ARHGEF17: variants seen among roughly 807,000 people sequenced by gnomAD.
The protein encoded by ARHGEF17 is Rho guanine nucleotide exchange factor 17.
ARHGEF17 carries 80 observed loss-of-function variants against 174.0 expected under a neutral mutation model. The ratio of observed to expected loss-of-function variants is 0.46; its 90% CI spans 0.38 to 0.55. The LOEUF (loss-of-function observed/expected upper bound fraction) is 0.55. Ranked by LOEUF, ARHGEF17 falls within the 20% of genes least tolerant of loss-of-function variation. The probability of loss-of-function intolerance (pLI) is 0.00; values close to 1 mark genes in which losing one functional copy is unlikely to be tolerated. For synonymous variants in ARHGEF17, 1,311 were observed against 1,189.1 expected, an observed-to-expected ratio of 1.10 and a Z score of -2.11; for missense variants, 2,886 against 2,839.7, an observed-to-expected ratio of 1.02 and a Z score of -0.37.
At position 73,368,042 on chromosome 11, in the gene ARHGEF17, G is replaced by A. The variant is rs1411289546; in HGVS notation, c.*262G>A. 2.4e-6 allele frequency: 1 copy of A among 419,482 alleles called. No homozygotes were observed. The highest frequency in any genetic ancestry group is 2.0e-5 in the African/African-American group (1 of 50,802). 26.0% of individuals were successfully genotyped at this position (419,482 alleles called of 1,614,324 possible). A position where few individuals can be genotyped will look rare whatever the true frequency, so the allele number is the denominator to read the frequency against. On this transcript the variant is annotated 3_prime_UTR_variant, in exon 21 of 21. Transcript: ENST00000263674. ...GACATGTGGGCTGACCAGGACCTCT[G>A]ACCCTGGAGCTTCTACCAAAGACAC...
chr11:73,322,896 A>G lies in ARHGEF17; in HGVS notation c.3192+11066A>G, dbSNP rs142880581. Among the ~76,000 whole-genome samples, 22 of 152,196 alleles carry G rather than the reference A, an allele frequency of 1.4e-4. No individual in the cohort carries two copies. In the East Asian group the frequency reaches 4.3e-3, roughly 29 times the overall value. ...GTAGCCTGAGCTTAGGTAGCAGAGG[A>G]TGTGGAGCTGGCGAGGGGAGAACTG... On this transcript the variant is annotated intron_variant, in intron 1 of 20. Coordinates refer to ENST00000263674, the MANE Select transcript of ARHGEF17 (RefSeq NM_014786.4).
At chr11:73,359,569 C>G (rs1439149807) in intron 9 of ARHGEF17, among the ~76,000 whole-genome samples, 1 of 152,248 alleles carries the variant, frequency 6.6e-6, no homozygotes, top group African/African-American at 2.4e-5. Flanking sequence ...ATTTCATACT[C>G]CATGCTCTCC....
chr11:73,350,429 T>C (rs1865534799), intron 2 of ARHGEF17, among the ~76,000 whole-genome samples: 1 of 152,202 alleles, frequency 6.6e-6, no homozygotes, highest in Non-Finnish European at 1.5e-5. Context: ...TGCCACACCC[T>C]GGGTTGAAAC....
In ARHGEF17 at chr11:73,310,345, C is replaced by T. The variant is rs747665570; in HGVS notation, c.1707C>T (p.Ser569=). 23 of 1,613,718 alleles carry T rather than the reference C, an allele frequency of 1.4e-5. No individual in the cohort carries two copies. In the Admixed American group the frequency reaches 3.5e-4, roughly 25 times the overall value. Residue 569 remains serine (S), a synonymous_variant, in exon 1 of 21, where the codon TCC becomes TCT. Transcript: ENST00000263674. The part of the protein sequence containing the change: ...PRTSALKSSS[S]ELLLTGPGAE... Reference sequence around the variant, plus strand: ...CCAGTGCTCTGAAGTCCAGCTCCTCCGAGCTCCTGCTCACAGGCCCTGGTG... The same window carrying T: ...CCAGTGCTCTGAAGTCCAGCTCCTCTGAGCTCCTGCTCACAGGCCCTGGTG...
At chr11:73,363,696 G>C in intron 15 of ARHGEF17, 51 bp from the exon 16 acceptor site, 1 of 1,601,540 alleles carries the variant, frequency 6.2e-7, no homozygotes. Context: ...GATGACTCCA[G>C]GGGCTGGTGT....
chr11:73,309,648 GAGA>G lies in ARHGEF17; in HGVS notation c.1016_1018del (p.Glu339del), dbSNP rs774449322. On this transcript the variant is annotated inframe_deletion, in exon 1 of 21. Coordinates refer to ENST00000263674, the MANE Select transcript of ARHGEF17 (RefSeq NM_014786.4). ...CCCCCAACATCTCCAAGAGCCCCTA[GAGA>G]AGAAGGACTCCGGGAGTGGGGTAGT... 6 of 1,612,986 alleles carry G rather than the reference GAGA, an allele frequency of 3.7e-6. No individual in the cohort carries two copies. The Admixed American group carries it at 5.0e-5, about 13-fold the overall frequency.
chr11:73,342,705 C>T (rs1865389885), intron 1 of ARHGEF17, among the ~76,000 whole-genome samples: 1 of 152,054 alleles, frequency 6.6e-6, no homozygotes, highest in East Asian at 1.9e-4. Context: ...GCGCTGGGTA[C>T]AGGTGCGGAC....
intron 1 of ARHGEF17, among the ~76,000 whole-genome samples, chr11:73,324,754 T>C (rs2027763): frequency 0.17 from 26,385 of 152,006 alleles, 3,049 homozygotes; most frequent in African/African-American, 0.33. Context: ...AAAGAAAGGG[T>C]GGATTTTGCT....
intron 2 of ARHGEF17, among the ~76,000 whole-genome samples, chr11:73,350,860 C>T (rs11821094): frequency 1.3e-5 from 2 of 152,102 alleles, no homozygotes; most frequent in South Asian, 4.1e-4. Flanking sequence ...ACGCATTTAT[C>T]GTGCTTCTTT....
chr11:73,325,552 T>A (rs1166319558), intron 1 of ARHGEF17, among the ~76,000 whole-genome samples: 3 of 150,508 alleles, frequency 2.0e-5, no homozygotes, highest in African/African-American at 2.4e-5. Context: ...ACACACACAC[T>A]CTCTCTCTCT....
At chr11:73,328,647 G>A (rs1045276923) in intron 1 of ARHGEF17, among the ~76,000 whole-genome samples, 1 of 152,248 alleles carries the variant, frequency 6.6e-6, no homozygotes, top group Non-Finnish European at 1.5e-5. Context: ...CTGTCCCAGA[G>A]GAGACCAATG....
chr11:73,332,532 C>T lies in ARHGEF17; in HGVS notation c.3193-14351C>T, dbSNP rs114515631. Among the ~76,000 whole-genome samples, 1,335 of 152,222 alleles carry T rather than the reference C, an allele frequency of 8.8e-3. 23 individuals carry two copies. The highest frequency in any genetic ancestry group is 0.031 in the African/African-American group (1,285 of 41,526). On this transcript the variant is annotated intron_variant, in intron 1 of 20. Coordinates refer to ENST00000263674, the MANE Select transcript of ARHGEF17 (RefSeq NM_014786.4). ...GTAAGTGCATGAATCTCTGGGCTTT[C>T]CTGTGGTTGGACCTTGAGGTTGTCG...
intron 1 of ARHGEF17, among the ~76,000 whole-genome samples, chr11:73,328,808 G>A (rs2135794416): frequency 6.6e-6 from 1 of 152,282 alleles, no homozygotes; most frequent in African/African-American, 2.4e-5. Flanking sequence ...CTATGAGGAG[G>A]CACAGACTGA....
Position 73,311,593 on chromosome 11 carries a change from A to G in ARHGEF17, c.2955A>G (p.Pro985=), listed in dbSNP as rs1362073272. 4 of 1,613,586 alleles carry G rather than the reference A, an allele frequency of 2.5e-6. No homozygotes were observed. Among genetic ancestry groups the G allele is most frequent in the Non-Finnish European group, 3.4e-6 (4 of 1,179,998 alleles). The change falls in exon 1 of 21, where the codon CCA becomes CCG. Residue 985 remains proline, a synonymous_variant. Transcript: ENST00000263674. ...PTSVGPPVAV[P]EPIGFPTRAH... ...CTGTTGGTCCCCCTGTGGCTGTGCC[A>G]GAACCCATAGGCTTCCCTACCCGAG... is the stretch of plus-strand genomic sequence containing the variant.
intron 1 of ARHGEF17, among the ~76,000 whole-genome samples, chr11:73,319,791 C>T (rs1363508147): frequency 1.3e-5 from 2 of 152,346 alleles, no homozygotes; most frequent in Non-Finnish European, 1.5e-5. Context: ...ACCAAGGATC[C>T]TAGCCTCCTG....
intron 1 of ARHGEF17, among the ~76,000 whole-genome samples, chr11:73,325,310 G>T (rs1020330573): frequency 6.6e-6 from 1 of 152,078 alleles, no homozygotes; most frequent in Admixed American, 6.5e-5. Flanking sequence ...TCAGTCATCA[G>T]GTCGCTTCCT....
At chr11:73,341,842 G>A (rs1865374538) in intron 1 of ARHGEF17, among the ~76,000 whole-genome samples, 1 of 152,220 alleles carries the variant, frequency 6.6e-6, no homozygotes, top group Admixed American at 6.5e-5. Flanking sequence ...GGGAGAAGGA[G>A]TCAGCTGGGG....
chr11:73,348,796 G>A (rs141866271), intron 2 of ARHGEF17, among the ~76,000 whole-genome samples: 260 of 152,250 alleles, frequency 1.7e-3, no homozygotes, highest in African/African-American at 5.8e-3. Context: ...AATACAATGC[G>A]TTTGTTTATT....
intron 3 of ARHGEF17, 30 bp downstream of exon 3, chr11:73,353,042 C>T (rs761342076): frequency 2.5e-6 from 4 of 1,611,170 alleles, no homozygotes; most frequent in Non-Finnish European, 3.4e-6. Context: ...CCAATTCCCA[C>T]AAGCACAGGC....
Sources: gnomAD v4.1 joint callset for allele counts (sites outside exome capture counted in the v4.1 genomes callset) on GRCh38, gnomAD v4.1.1 for gene constraint, MANE v1.5 for transcripts, NCBI Gene and HGNC (gene_info 2026-07-23, HGNC 2026-07-21) for gene names.